The following CDKN2B-AS1 variants were observed in gnomAD, a reference collection of about 807,000 sequenced individuals.
CDKN2B-AS1 encodes the protein CDKN2B antisense RNA 1 (non-protein coding).
At chr9:22,090,290 G>A (rs955507198) in intron 4 of CDKN2B-AS1, among the ~76,000 whole-genome samples, 17 of 152,044 alleles carry the variant, frequency 1.1e-4, no homozygotes, top group East Asian at 1.9e-4. Context: ...ATAAACATAC[G>A]TGTGCATGTG....
chr9:22,118,588 A>G (rs1826018562), intron 4 of CDKN2B-AS1: 1 of 152,238 alleles, frequency 6.6e-6, no homozygotes, highest in Non-Finnish European at 1.5e-5. Flanking sequence ...GCAACAAATC[A>G]GTGACAGCTG....
At chr9:22,027,428 A>G (rs942188110) in intron 1 of CDKN2B-AS1, among the ~76,000 whole-genome samples, 1 of 152,230 alleles carries the variant, frequency 6.6e-6, no homozygotes, top group Non-Finnish European at 1.5e-5. Context: ...CTCAGAAAAA[A>G]TGCCAGGAGA....
At chr9:22,068,526 T>C (rs1014494030) in intron 4 of CDKN2B-AS1, among the ~76,000 whole-genome samples, 2 of 152,122 alleles carry the variant, frequency 1.3e-5, no homozygotes, top group Admixed American at 6.6e-5. Flanking sequence ...GAGAGCGTGG[T>C]TTACAGAAGG....
intron 1 of CDKN2B-AS1, chr9:22,009,251 G>T (rs1246780070): frequency 5.5e-6 from 3 of 546,474 alleles, no homozygotes; most frequent in Non-Finnish European, 9.9e-6. Flanking sequence ...CGCTCTGGCC[G>T]CAGGGTGCGG....
At chr9:22,020,204 T>C (rs1200163987) in intron 1 of CDKN2B-AS1, among the ~76,000 whole-genome samples, 1 of 152,182 alleles carries the variant, frequency 6.6e-6, no homozygotes, top group Non-Finnish European at 1.5e-5. Flanking sequence ...GGACATGCTA[T>C]TGTTCTTTTT....
At chr9:22,045,843 C>A (rs530455906) in intron 1 of CDKN2B-AS1, among the ~76,000 whole-genome samples, 1 of 152,186 alleles carries the variant, frequency 6.6e-6, no homozygotes, top group Admixed American at 6.6e-5. Flanking sequence ...GTGGTCCAAG[C>A]TCTTCAAAAT....
intron 4 of CDKN2B-AS1, among the ~76,000 whole-genome samples, chr9:22,065,310 G>A (rs1451111041): frequency 6.6e-6 from 1 of 152,184 alleles, no homozygotes; most frequent in Non-Finnish European, 1.5e-5. Context: ...TTGTGAGATG[G>A]AGTGGACTGA....
rs748308679 is a variant in CDKN2B-AS1 at position 22,008,906 on chromosome 9, C to G, written n.29+13745C>G. Reference sequence around the variant, plus strand: ...CCCGCGCCGCGGCGCTGGCCAGACCCTCATCGCTGCCGCCCCCACTGGGCA... The same window carrying G: ...CCCGCGCCGCGGCGCTGGCCAGACCGTCATCGCTGCCGCCCCCACTGGGCA... On this transcript the variant is annotated intron_variant and non_coding_transcript_variant, in intron 1 of 4. Transcript: ENST00000650946. The G allele has an allele frequency of 2.5e-6, 4 of 1,612,988 alleles. No individual in the cohort carries two copies. The highest frequency in any genetic ancestry group is 4.5e-5 in the East Asian group (2 of 44,882).
At chr9:22,009,211 G>C (rs572099629) in intron 1 of CDKN2B-AS1, 5 of 601,210 alleles carry the variant, frequency 8.3e-6, no homozygotes, top group Admixed American at 6.1e-5. Flanking sequence ...GGGAAAAAGC[G>C]CCTAGCGCGG....
At chr9:22,121,177 A>G (rs1005890816) in intron 4 of CDKN2B-AS1, 3 of 152,140 alleles carry the variant, frequency 2.0e-5, no homozygotes, top group Non-Finnish European at 2.9e-5. Flanking sequence ...AACAATGCAC[A>G]TAAAATGTAC....
At chr9:22,085,525 C>T (rs72652413) in intron 4 of CDKN2B-AS1, among the ~76,000 whole-genome samples, 2,812 of 152,138 alleles carry the variant, frequency 0.018, 40 homozygotes, top group Non-Finnish European at 0.026. Context: ...TCAAGACCAC[C>T]CTGGCTAACA....
chr9:22,037,677 A>G (rs1318100190), intron 1 of CDKN2B-AS1, among the ~76,000 whole-genome samples: 1 of 152,060 alleles, frequency 6.6e-6, no homozygotes, highest in Non-Finnish European at 1.5e-5. Flanking sequence ...AATACAGACT[A>G]TGTCACCACA....
At chr9:22,048,078 A>G (rs1210817224) in intron 2 of CDKN2B-AS1, among the ~76,000 whole-genome samples, 1 of 152,028 alleles carries the variant, frequency 6.6e-6, no homozygotes, top group African/African-American at 2.4e-5. Flanking sequence ...TACAGGCGTG[A>G]GTCAGTGCGC....
chr9:22,098,381 A>G (rs915491751), intron 4 of CDKN2B-AS1, among the ~76,000 whole-genome samples: 5 of 151,556 alleles, frequency 3.3e-5, no homozygotes, highest in African/African-American at 1.2e-4. Context: ...AAAAGAAACT[A>G]TTACTTATAG....
At chr9:22,045,210 G>A (rs933061268) in intron 1 of CDKN2B-AS1, among the ~76,000 whole-genome samples, 1 of 151,850 alleles carries the variant, frequency 6.6e-6, no homozygotes, top group Non-Finnish European at 1.5e-5. Flanking sequence ...TGAATTGCTT[G>A]TATTCTAACA....
chr9:22,116,008 G>T (rs1372692887), intron 4 of CDKN2B-AS1, among the ~76,000 whole-genome samples: 1 of 152,120 alleles, frequency 6.6e-6, no homozygotes, highest in Non-Finnish European at 1.5e-5. Flanking sequence ...ATGTCTTGTT[G>T]AAAAAGTATG....
At chr9:22,098,951 A>C (rs1265724705) in intron 4 of CDKN2B-AS1, among the ~76,000 whole-genome samples, 1 of 152,190 alleles carries the variant, frequency 6.6e-6, no homozygotes, top group Non-Finnish European at 1.5e-5. Context: ...TGCAAGAAAA[A>C]TAAGAGTAGT....
chr9:22,104,509 C>T (rs985144011), intron 4 of CDKN2B-AS1, among the ~76,000 whole-genome samples: 6 of 152,084 alleles, frequency 3.9e-5, no homozygotes, highest in Non-Finnish European at 8.8e-5. Context: ...AAAATTGGAC[C>T]TGACATGAAG....
At chr9:22,091,666 T>C (rs974018236) in intron 4 of CDKN2B-AS1, among the ~76,000 whole-genome samples, 9 of 152,192 alleles carry the variant, frequency 5.9e-5, no homozygotes, top group African/African-American at 2.2e-4. Context: ...TTTTCGCACA[T>C]TGATTTTTTA....
Sources: allele counts gnomAD v4.1 joint callset (sites outside exome capture counted in the v4.1 genomes callset), GRCh38; gene constraint gnomAD v4.1.1; transcripts MANE v1.5; gene names NCBI Gene and HGNC (gene_info 2026-07-23, HGNC 2026-07-21).